The following ABCA6 variants were observed in gnomAD, a reference collection of about 807,000 sequenced individuals.
The protein encoded by ABCA6 is ATP-binding cassette sub-family A member 6.
Under a neutral mutation model 191.2 loss-of-function variants are expected in ABCA6, and 164 were observed. That is an observed-to-expected ratio of 0.86 (90% CI 0.76 to 0.98). The LOEUF (loss-of-function observed/expected upper bound fraction) is 0.98, where lower values mean the gene tolerates loss of function less well. ABCA6 is among the 50% of genes least tolerant of loss of function. The pLI is 0.00. For synonymous variants in ABCA6, 636 were observed against 647.7 expected (o/e 0.98, Z 0.27); for missense variants, 1,958 against 1,894.1 (o/e 1.03, Z -0.63).
chr17:69,088,577 C>T (rs1318284807), intron 27 of ABCA6, among the ~76,000 whole-genome samples: 1 of 152,190 alleles, frequency 6.6e-6, no homozygotes, highest in South Asian at 2.1e-4. Context: ...TGGATTGTTG[C>T]AACCCCTTCC....
intron 17 of ABCA6, chr17:69,109,414 G>C (rs925745292): frequency 6.6e-6 from 1 of 152,196 alleles, no homozygotes; most frequent in South Asian, 2.1e-4. Flanking sequence ...ATCAAACAAA[G>C]TCTGAATGGG....
Position 69,138,793 on chromosome 17 carries a change from A to T in ABCA6, c.97-1293T>A, listed in dbSNP as rs879922287. ...ACAGAGCCCTCAGAAATAACGCCGC[A>T]TATCTACAACTATCTGATCTTTGAC... On this transcript the variant is annotated intron_variant, in intron 2 of 38. Transcript: ENST00000284425. Among the ~76,000 whole-genome samples, 11 of 149,112 alleles carry T rather than the reference A, an allele frequency of 7.4e-5. No individual in the cohort carries two copies. In the South Asian group the frequency reaches 2.4e-3, roughly 33 times the overall value.
At chr17:69,114,220 A>C (rs1229750639) in intron 13 of ABCA6, among the ~76,000 whole-genome samples, 1 of 152,130 alleles carries the variant, frequency 6.6e-6, no homozygotes, top group African/African-American at 2.4e-5. Context: ...ATACCATGGA[A>C]TACTATGCAG....
chr17:69,100,880 G>A lies in ABCA6; in HGVS notation c.2929C>T (p.Leu977Phe), dbSNP rs746491691. 2.5e-6 allele frequency: 4 copies of A among 1,610,932 alleles called. No individual in the cohort carries two copies. The South Asian group carries it at 4.4e-5, about 18-fold the overall frequency. ...AGCCCATTGCTGATAATATTCATAA[G>A]AATTGGAAAACAGTGCAATCTCTTG... ...NTKRLHCFPI[L>F]MNIISNGLLQ... The change falls in exon 22 of 39, where the codon CTT (leucine) becomes TTT (phenylalanine). Residue 977 changes from leucine to phenylalanine, a missense_variant. Leu to Phe is a conservative substitution (Grantham distance 22, BLOSUM62 0). Transcript: ENST00000284425.
At position 69,129,226 on chromosome 17, in the gene ABCA6, G is replaced by A. The variant is rs116525669; in HGVS notation, c.933+384C>T. Among the ~76,000 whole-genome samples, 333 of 152,244 alleles carry A rather than the reference G, an allele frequency of 2.2e-3. 2 individuals carry two copies. The highest frequency in any genetic ancestry group is 7.3e-3 in the African/African-American group (303 of 41,556). On this transcript the variant is annotated intron_variant, in intron 7 of 38. Coordinates refer to ENST00000284425, the MANE Select transcript of ABCA6 (RefSeq NM_080284.3). ...TGAAACGAGAAGTAAGTATGAGACA[G>A]AATATTAGAGGGAGAAGAGATATTG...
intron 1 of ABCA6, among the ~76,000 whole-genome samples, chr17:69,140,960 TG>T (rs1328860170): frequency 6.6e-6 from 1 of 152,060 alleles, no homozygotes; most frequent in Admixed American, 6.6e-5. Flanking sequence ...TGCAATAACT[TG>T]GAGTACTGAA....
chr17:69,114,987 A>G, intron 12 of ABCA6, 50 bp from the exon 13 acceptor site: 8 of 1,334,340 alleles, frequency 6.0e-6, no homozygotes, highest in Non-Finnish European at 8.3e-6. Context: ...CATTCTATTA[A>G]TATTCATAGA....
At chr17:69,118,409 T>C (rs2073576453) in intron 10 of ABCA6, among the ~76,000 whole-genome samples, 1 of 152,030 alleles carries the variant, frequency 6.6e-6, no homozygotes, top group East Asian at 1.9e-4. Flanking sequence ...CACCTCTACT[T>C]TGGACACAAT....
chr17:69,082,772 T>C, intron 36 of ABCA6, 101 bp downstream of exon 36: 1 of 1,518,018 alleles, frequency 6.6e-7, no homozygotes. Context: ...CCCTAACTTT[T>C]ATTATGAAGC....
chr17:69,113,553 G>A lies in ABCA6; in HGVS notation c.1902+65C>T, dbSNP rs988885375. The A allele has an allele frequency of 1.9e-6, 3 of 1,608,990 alleles. No homozygotes were observed. The African/African-American group carries it at 4.0e-5, about 22-fold the overall frequency. ...AATGAAAGCTCTACCACTTTTAGTG[G>A]TAAAAGAACTTGACATTTTGCAGAC... On this transcript the variant is annotated intron_variant, in intron 14 of 38. Coordinates refer to ENST00000284425, the MANE Select transcript of ABCA6 (RefSeq NM_080284.3).
intron 5 of ABCA6, 122 bp from the exon 6 acceptor site, chr17:69,133,989 T>C (rs2073908690): frequency 3.2e-6 from 2 of 634,112 alleles, no homozygotes; most frequent in Non-Finnish European, 2.6e-6. Flanking sequence ...ACTGTAGTTA[T>C]GCAAGATGTT....
intron 16 of ABCA6, chr17:69,111,693 T>C (rs1295220135): frequency 6.5e-6 from 1 of 152,818 alleles, no homozygotes; most frequent in African/African-American, 2.4e-5. Context: ...CCTTTATATA[T>C]TACCCAGTCT....
Position 69,106,019 on chromosome 17 carries a change from C to G in ABCA6, c.2573+9G>C. 1 of 1,601,768 alleles carries G rather than the reference C, an allele frequency of 6.2e-7. No individual in the cohort carries two copies. Among genetic ancestry groups the G allele is most frequent in the Non-Finnish European group, 8.5e-7 (1 of 1,174,650 alleles). ...TGATCTAACAAAACCACAGTACTCT[C>G]CTACTCACAGGGTCAATAACACTTT... On this transcript the variant is annotated intron_variant, in intron 19 of 38. Transcript: ENST00000284425.
intron 18 of ABCA6, among the ~76,000 whole-genome samples, chr17:69,106,970 A>T (rs11077946): frequency 0.77 from 117,398 of 151,846 alleles, 48,831 homozygotes; most frequent in Non-Finnish European, 0.94. Flanking sequence ...AGGGATTTTT[A>T]AAAAATCTTC....
Position 69,081,074 on chromosome 17 carries a change from A to C in ABCA6, c.4688T>G (p.Leu1563Ter), listed in dbSNP as rs543264013. 1 of 1,595,036 alleles carries C rather than the reference A, an allele frequency of 6.3e-7. No homozygotes were observed. Among genetic ancestry groups the C allele is most frequent in the African/African-American group, 1.3e-5 (1 of 74,566 alleles). ...VYPLSQTFHKLEAVKHNFNLE... is the reference protein window; with the variant it reads ...VYPLSQTFHK ...AATGTGGTCACTCTTACCTGCTTCT[A>C]ATTTGTGAAAGGTCTGTGATAGAGG... The change falls in exon 37 of 39, where the codon TTA (leucine) becomes TGA (stop). Residue 1563 changes from leucine (L) to a stop codon, truncating the protein, a stop_gained. Transcript: ENST00000284425. LOFTEE classifies it high-confidence loss of function.
chr17:69,118,037 A>C (rs1337233934), intron 10 of ABCA6, 81 bp from the exon 11 acceptor site: 1 of 952,672 alleles, frequency 1.0e-6, no homozygotes, highest in Non-Finnish European at 1.6e-6. Context: ...AGTCATAGTG[A>C]TAACTGCAGC....
intron 9 of ABCA6, 126 bp from the exon 10 acceptor site, chr17:69,123,533 A>T: frequency 1.8e-6 from 1 of 558,730 alleles, no homozygotes; most frequent in Non-Finnish European, 2.7e-6. Context: ...TTCTTCTAAA[A>T]CTCAATTTAT....
At position 69,078,931 on chromosome 17, in the gene ABCA6, G is replaced by A. The variant is rs2302290; in HGVS notation, c.*42C>T. On this transcript the variant is annotated 3_prime_UTR_variant, in exon 39 of 39. Transcript: ENST00000284425. ...TACTATTAATTATTACATAAAACATGAGTTTATAGGAGATCAACAAAAAAT... is the reference window on the plus strand; with the variant it reads ...TACTATTAATTATTACATAAAACATAAGTTTATAGGAGATCAACAAAAAAT... 720,996 of 1,133,506 alleles carry A rather than the reference G, an allele frequency of 0.64. 234,274 individuals carry two copies. The highest frequency in any genetic ancestry group is 0.77 in the African/African-American group (48,685 of 63,256). The allele number at this position is 1,133,506 out of a possible 1,614,324, so 70.2% of individuals were successfully genotyped here. A position where few individuals can be genotyped will look rare whatever the true frequency, so the allele number is the denominator to read the frequency against.
intron 11 of ABCA6, 43 bp downstream of exon 11, chr17:69,117,855 A>G: frequency 1.4e-6 from 2 of 1,400,156 alleles, no homozygotes; most frequent in Non-Finnish European, 9.9e-7. Flanking sequence ...TTTATAATAA[A>G]GAAAGAAGTG....
Sources: gnomAD v4.1 joint callset for allele counts (sites outside exome capture counted in the v4.1 genomes callset) on GRCh38, gnomAD v4.1.1 for gene constraint, MANE v1.5 for transcripts, NCBI Gene and HGNC (gene_info 2026-07-23, HGNC 2026-07-21) for gene names.